The following TBX19 variants were observed in gnomAD, a reference collection of about 807,000 sequenced individuals.
The protein encoded by TBX19 is T-box transcription factor TBX19.
A neutral mutation model predicts 40.9 loss-of-function variants in TBX19; 33 were observed. That is an observed-to-expected ratio of 0.81 (90% confidence interval 0.61 to 1.08). The LOEUF (loss-of-function observed/expected upper bound fraction) is 1.08. Ranked by LOEUF, TBX19 falls within the 50% of genes least tolerant of loss-of-function variation. The pLI, the probability that TBX19 is intolerant of heterozygous loss-of-function variation, is 0.00. For missense variants in TBX19, 494 were observed against 574.0 expected, an observed-to-expected ratio of 0.86 and a Z score of 1.42; for synonymous variants, 220 against 225.0, an observed-to-expected ratio of 0.98 and a Z score of 0.20.
chr1:168,313,614 T>C lies in TBX19; in HGVS notation c.*612T>C, dbSNP rs1649575453. ...GTTCACCATTACCAGTGGAATGAAG[T>C]CAATTCTCCTCACTATAACTGGGTG... is the stretch of plus-strand genomic sequence containing the variant. On this transcript the variant is annotated 3_prime_UTR_variant, in exon 8 of 8. Transcript: ENST00000367821. 1 of 157,270 alleles carries C rather than the reference T, an allele frequency of 6.4e-6. No individual in the cohort carries two copies. The highest frequency in any genetic ancestry group is 6.1e-5 in the Admixed American group (1 of 16,446). 9.7% of individuals were successfully genotyped at this position (157,270 alleles called of 1,614,324 possible). A position where few individuals can be genotyped will look rare whatever the true frequency, so the allele number is the denominator to read the frequency against.
chr1:168,284,163 C>T (rs961224458), intron 1 of TBX19, among the ~76,000 whole-genome samples: 2 of 151,932 alleles, frequency 1.3e-5, no homozygotes, highest in Non-Finnish European at 2.9e-5. Context: ...TCCCTTTCAG[C>T]CTTTTCTTCC....
chr1:168,291,426 T>TACGAATGAGGCGGGCAGGC lies in TBX19; in HGVS notation c.468+3_468+21dup, dbSNP rs1481320139. 6.2e-7 allele frequency: 1 copy of TACGAATGAGGCGGGCAGGC among 1,614,038 alleles called. No homozygotes were observed. The highest frequency in any genetic ancestry group is 8.5e-7 in the Non-Finnish European group (1 of 1,180,004). ...AACAAGCTCAATGGAGGCGGGCAGG[T>TACGAATGAGGCGGGCAGGC]ACGAATGAGGCGGGCAGGCCTGGCC... is the stretch of plus-strand genomic sequence containing the variant. On this transcript the variant is annotated splice_region_variant and intron_variant, in intron 2 of 7. Coordinates refer to ENST00000367821, the MANE Select transcript of TBX19 (RefSeq NM_005149.3).
At chr1:168,311,200 G>A (rs2102364425) in intron 7 of TBX19, among the ~76,000 whole-genome samples, 1 of 152,046 alleles carries the variant, frequency 6.6e-6, no homozygotes, top group Non-Finnish European at 1.5e-5. Flanking sequence ...GTGCCAAGTT[G>A]TATACTAGAT....
In TBX19 at chr1:168,313,936, GA is replaced by G. The variant is rs1459889582; in HGVS notation, c.*937del. 10 of 152,098 alleles carry G rather than the reference GA, an allele frequency of 6.6e-5. No individual in the cohort carries two copies. The highest frequency in any genetic ancestry group is 2.2e-4 in the African/African-American group (9 of 41,382). The allele number at this position is 152,098 out of a possible 1,614,324, so 9.4% of individuals were successfully genotyped here. ...ATTTGAAAAAAAAGAAAGAAAGAAA[GA>G]AAGAAAGAAATCCTACTACGAGCGA... On this transcript the variant is annotated 3_prime_UTR_variant, in exon 8 of 8. Coordinates refer to ENST00000367821, the MANE Select transcript of TBX19 (RefSeq NM_005149.3).
chr1:168,282,290 T>A (rs956180757), intron 1 of TBX19, among the ~76,000 whole-genome samples: 28 of 152,190 alleles, frequency 1.8e-4, no homozygotes, highest in Admixed American at 1.7e-3. Context: ...TTGTGCAAAG[T>A]GCTTCCGTTC....
At position 168,297,756 on chromosome 1, in the gene TBX19, T is replaced by C. The variant is rs1455468485; in HGVS notation, c.636T>C (p.Phe212=). 2 of 1,614,238 alleles carry C rather than the reference T, an allele frequency of 1.2e-6. No homozygotes were observed. Among genetic ancestry groups the C allele is most frequent in the East Asian group, 4.5e-5 (2 of 44,886 alleles). ...ITALKIKYNP[F]AKAFLDAKER... Reference sequence around the variant, plus strand: ...CTCTCAAAATCAAGTACAATCCTTTTGCCAAAGCCTTCTTGGATGCCAAGG... The same window carrying C: ...CTCTCAAAATCAAGTACAATCCTTTCGCCAAAGCCTTCTTGGATGCCAAGG... The change falls in exon 4 of 8, where the codon TTT becomes TTC. Residue 212 remains phenylalanine, a synonymous_variant. Transcript: ENST00000367821.
In TBX19 at chr1:168,281,071, G is replaced by T. The variant is rs774982649; in HGVS notation, c.-20G>T. On this transcript the variant is annotated 5_prime_UTR_variant, in exon 1 of 8. Transcript: ENST00000367821. ...CAGGCAAGTTGGGTAACGGCTCTCG[G>T]CAAAGTTCGAGAAGTGCCTATGGCC... 6.2e-7 allele frequency: 1 copy of T among 1,613,498 alleles called. No individual in the cohort carries two copies. The highest frequency in any genetic ancestry group is 1.1e-5 in the South Asian group (1 of 90,972).
intron 6 of TBX19, among the ~76,000 whole-genome samples, chr1:168,305,413 A>C (rs975658707): frequency 7.2e-5 from 11 of 152,026 alleles, no homozygotes; most frequent in Non-Finnish European, 1.5e-4. Flanking sequence ...TTTTAAAAAA[A>C]TTATTTCATA....
At chr1:168,296,868 CA>C (rs35536948) in intron 3 of TBX19, among the ~76,000 whole-genome samples, 3 of 138,406 alleles carry the variant, frequency 2.2e-5, no homozygotes, top group South Asian at 2.3e-4. Context: ...ACTCCCGTCT[CA>C]AAAAAAATAT....
chr1:168,299,786 T>C (rs1003604869), intron 4 of TBX19, among the ~76,000 whole-genome samples: 2 of 152,198 alleles, frequency 1.3e-5, no homozygotes, highest in African/African-American at 4.8e-5. Flanking sequence ...AATATTGGAA[T>C]AAATTATGAT....
intron 1 of TBX19, among the ~76,000 whole-genome samples, chr1:168,288,524 C>T: frequency 6.6e-6 from 1 of 152,052 alleles, no homozygotes. Flanking sequence ...CAGTCACACA[C>T]CTTTAAATAA....
rs1649149917 is a variant in TBX19 at position 168,297,771 on chromosome 1, G to C, written c.651G>C (p.Leu217Phe). The change falls in exon 4 of 8, where the codon TTG becomes TTC. Residue 217 changes from leucine to phenylalanine, a missense_variant. This residue lies in a region of TBX19 where 284 missense variants were observed against 307.3 expected (regional missense o/e 0.92). Transcript: ENST00000367821. ...ACAATCCTTTTGCCAAAGCCTTCTTGGATGCCAAGGAAAGGTAAGTAAAGA... is the reference window on the plus strand; with the variant it reads ...ACAATCCTTTTGCCAAAGCCTTCTTCGATGCCAAGGAAAGGTAAGTAAAGA... ...IKYNPFAKAFLDAKERNHLRD... is the reference protein window; with the variant it reads ...IKYNPFAKAFFDAKERNHLRD... 5 of 1,613,884 alleles carry C rather than the reference G, an allele frequency of 3.1e-6. No individual in the cohort carries two copies. Among genetic ancestry groups the C allele is most frequent in the Non-Finnish European group, 4.2e-6 (5 of 1,179,866 alleles).
intron 3 of TBX19, 29 bp downstream of exon 3, chr1:168,293,307 G>GTGTT: frequency 6.4e-7 from 1 of 1,573,820 alleles, no homozygotes; most frequent in Non-Finnish European, 8.6e-7. Context: ...GTGTGTGTGT[G>GTGTT]TGTGTGTGTG....
intron 2 of TBX19, among the ~76,000 whole-genome samples, chr1:168,292,527 A>C (rs1193260436): frequency 6.6e-6 from 1 of 152,212 alleles, no homozygotes; most frequent in Non-Finnish European, 1.5e-5. Context: ...TAGGGGAAGG[A>C]AAAAAGGAAG....
intron 1 of TBX19, among the ~76,000 whole-genome samples, chr1:168,287,271 A>G (rs1420949195): frequency 6.6e-6 from 1 of 152,134 alleles, no homozygotes; most frequent in Non-Finnish European, 1.5e-5. Flanking sequence ...TCTAAGGGCC[A>G]TTGTACTTGC....
Position 168,293,290 on chromosome 1 carries a change from TGTGTGTGTGTGTGTG to T in TBX19, c.603+13_603+27del, listed in dbSNP as rs1648996942. ...ATCAGAATGAGGAGGTAAGAGTGTG[TGTGTGTGTGTGTGTG>T]TGTGTGTGTGTGTGTGTGTGTAACT... On this transcript the variant is annotated intron_variant, in intron 3 of 7. Coordinates refer to ENST00000367821, the MANE Select transcript of TBX19 (RefSeq NM_005149.3). The T allele has an allele frequency of 9.7e-6, 14 of 1,449,988 alleles. No individual in the cohort carries two copies. The highest frequency in any genetic ancestry group is 2.4e-5 in the South Asian group (2 of 82,058). 89.8% of individuals were successfully genotyped at this position (1,449,988 alleles called of 1,614,324 possible).
intron 5 of TBX19, among the ~76,000 whole-genome samples, chr1:168,302,231 G>C (rs1247977999): frequency 1.3e-5 from 2 of 152,202 alleles, no homozygotes; most frequent in African/African-American, 4.8e-5. Context: ...TTAGTCAGAT[G>C]GGGACCCCTT....
chr1:168,294,049 C>T (rs928305725), intron 3 of TBX19, among the ~76,000 whole-genome samples: 3 of 152,036 alleles, frequency 2.0e-5, no homozygotes, highest in Admixed American at 6.6e-5. Context: ...CCCATGGACA[C>T]GACGAAGAAT....
At chr1:168,310,940 G>T (rs1361888673) in intron 7 of TBX19, among the ~76,000 whole-genome samples, 2 of 148,794 alleles carry the variant, frequency 1.3e-5, no homozygotes, top group Non-Finnish European at 3.0e-5. Flanking sequence ...AATGCATGTT[G>T]AAATAATATT....
Sources: gnomAD v4.1 joint callset for allele counts (sites outside exome capture counted in the v4.1 genomes callset) on GRCh38, gnomAD v4.1.1 for gene constraint, gnomAD v4.1.1 regional missense constraint, MANE v1.5 for transcripts, NCBI Gene and HGNC (gene_info 2026-07-23, HGNC 2026-07-21) for gene names.